Variants in KCNJ3 observed in about 807,000 individuals in gnomAD.
KCNJ3 encodes G protein-activated inward rectifier potassium channel 1.
Under a neutral mutation model 39.2 loss-of-function variants are expected in KCNJ3, and 4 were observed. The ratio of observed to expected loss-of-function variants is 0.10; its 90% CI spans 0.05 to 0.23. The LOEUF is 0.23. KCNJ3 is among the 10% of genes least tolerant of loss of function. KCNJ3 has a pLI of 1.00. For missense variants in KCNJ3, 276 were observed against 634.9 expected, an observed-to-expected ratio of 0.43 and a Z score of 6.08; for synonymous variants, 230 against 237.4, an observed-to-expected ratio of 0.97 and a Z score of 0.29.
intron 2 of KCNJ3, among the ~76,000 whole-genome samples, chr2:154,735,078 T>C (rs1685504621): frequency 6.6e-6 from 1 of 150,960 alleles, no homozygotes; most frequent in Admixed American, 6.6e-5. Flanking sequence ...CCTGTGTGTG[T>C]GTGTGTGTGT....
At chr2:154,708,444 T>C (rs1685049261) in intron 1 of KCNJ3, among the ~76,000 whole-genome samples, 2 of 152,162 alleles carry the variant, frequency 1.3e-5, no homozygotes, top group African/African-American at 2.4e-5. Flanking sequence ...TATCACTTCA[T>C]TGGGCAGACC....
rs185376247 is a variant in KCNJ3, at chr2:154,735,755, C to A, written c.919+25936C>A. On this transcript the variant is annotated intron_variant, in intron 2 of 2. Coordinates refer to ENST00000295101, the MANE Select transcript of KCNJ3 (RefSeq NM_002239.4). Reference sequence around the variant, plus strand: ...TATCTTAGATGACTTCATTTAATTACTATTTTAATATTTATTTTCTGCAGA... The same window carrying A: ...TATCTTAGATGACTTCATTTAATTAATATTTTAATATTTATTTTCTGCAGA... 1.1e-3 allele frequency among the ~76,000 whole-genome samples: 175 copies of A among 152,190 alleles called. 2 individuals carry two copies. The highest frequency in any genetic ancestry group is 4.1e-3 in the African/African-American group (171 of 41,550).
chr2:154,748,051 T>A (rs146424397), intron 2 of KCNJ3, among the ~76,000 whole-genome samples: 181 of 152,100 alleles, frequency 1.2e-3, no homozygotes, highest in African/African-American at 3.9e-3. Flanking sequence ...CCTGCCTCCA[T>A]CTCCCATCCC....
At chr2:154,767,013 G>T (rs1686147057) in intron 2 of KCNJ3, among the ~76,000 whole-genome samples, 1 of 151,844 alleles carries the variant, frequency 6.6e-6, no homozygotes, top group Non-Finnish European at 1.5e-5. Context: ...ACTCTTAGAA[G>T]AATTTATTTG....
At chr2:154,775,842 G>T (rs187621260) in intron 2 of KCNJ3, among the ~76,000 whole-genome samples, 398 of 152,184 alleles carry the variant, frequency 2.6e-3, no homozygotes, top group South Asian at 9.7e-3. Context: ...CCAGGAGAAG[G>T]GGTTGATGTA....
In KCNJ3 at chr2:154,699,028, T is replaced by A. The variant is rs1684839416; in HGVS notation, c.253T>A (p.Phe85Ile). ...GGACCTCAAGTGGCGCTGGAACCTC[T>A]TCATCTTCATTCTCACCTACACCGT... is the stretch of plus-strand genomic sequence containing the variant. ...LVDLKWRWNL[F>I]IFILTYTVAW... Residue 85 changes from phenylalanine to isoleucine, a missense_variant, in exon 1 of 3, where the codon TTC (phenylalanine) becomes ATC (isoleucine). Transcript: ENST00000295101. The surrounding 1 kb of genome is among the most constrained non-coding windows in gnomAD (Gnocchi z 6.4). The A allele has an allele frequency of 2.5e-6, 4 of 1,614,218 alleles. No individual in the cohort carries two copies. Among genetic ancestry groups the A allele is most frequent in the Non-Finnish European group, 3.4e-6 (4 of 1,180,042 alleles).
chr2:154,839,418 A>G (rs1049309221), intron 2 of KCNJ3, among the ~76,000 whole-genome samples: 2 of 152,212 alleles, frequency 1.3e-5, no homozygotes, highest in Admixed American at 6.5e-5. Context: ...TCTTTATAGT[A>G]GCATGGTTTA....
At chr2:154,808,722 A>AT (rs1311343049) in intron 2 of KCNJ3, among the ~76,000 whole-genome samples, 2 of 152,106 alleles carry the variant, frequency 1.3e-5, no homozygotes, top group African/African-American at 4.8e-5. Context: ...AACCATTTTT[A>AT]TTTTGATTAT....
chr2:154,757,317 A>G (rs975573684), intron 2 of KCNJ3, among the ~76,000 whole-genome samples: 3 of 152,072 alleles, frequency 2.0e-5, no homozygotes, highest in African/African-American at 7.2e-5. Context: ...AGTGAGGTAA[A>G]TATTTTTGGG....
At chr2:154,746,262 T>A (rs898261911) in intron 2 of KCNJ3, among the ~76,000 whole-genome samples, 1 of 151,940 alleles carries the variant, frequency 6.6e-6, no homozygotes, top group African/African-American at 2.4e-5. Flanking sequence ...TTGATAAGGT[T>A]TCCGGTCAAT....
intron 2 of KCNJ3, among the ~76,000 whole-genome samples, chr2:154,791,454 T>C (rs1433963201): frequency 6.6e-6 from 1 of 152,014 alleles, no homozygotes; most frequent in African/African-American, 2.4e-5. Flanking sequence ...TTATTATTAT[T>C]TGAAGAATGT....
intron 2 of KCNJ3, among the ~76,000 whole-genome samples, chr2:154,802,325 T>C (rs1019569875): frequency 2.0e-5 from 3 of 152,108 alleles, no homozygotes; most frequent in Admixed American, 2.0e-4. Flanking sequence ...GTGAGGGAGC[T>C]TGGTTCCCCA....
At chr2:154,807,650 T>C (rs540826837) in intron 2 of KCNJ3, among the ~76,000 whole-genome samples, 30 of 152,294 alleles carry the variant, frequency 2.0e-4, no homozygotes, top group African/African-American at 6.5e-4. Flanking sequence ...GTGTTTTACA[T>C]TGGAGCTACA....
At chr2:154,755,345 C>G (rs796156315) in intron 2 of KCNJ3, among the ~76,000 whole-genome samples, 2 of 151,622 alleles carry the variant, frequency 1.3e-5, no homozygotes, top group South Asian at 4.2e-4. Context: ...TTATTAAATT[C>G]AAAATATGAG....
intron 2 of KCNJ3, among the ~76,000 whole-genome samples, chr2:154,722,495 CT>C (rs1685279609): frequency 6.6e-6 from 1 of 152,098 alleles, no homozygotes; most frequent in Non-Finnish European, 1.5e-5. Flanking sequence ...GAAGAACTTG[CT>C]GTTTAAATAA....
At chr2:154,750,114 A>AT (rs1462384759) in intron 2 of KCNJ3, among the ~76,000 whole-genome samples, 1 of 151,942 alleles carries the variant, frequency 6.6e-6, no homozygotes, top group Non-Finnish European at 1.5e-5. Context: ...CAGAAGTTAT[A>AT]TTTTTTCTCA....
At chr2:154,725,313 A>G (rs1464466448) in intron 2 of KCNJ3, among the ~76,000 whole-genome samples, 2 of 150,094 alleles carry the variant, frequency 1.3e-5, no homozygotes, top group Non-Finnish European at 3.0e-5. Context: ...GCCATTCTTC[A>G]CCAACTACCC....
At chr2:154,708,715 T>G (rs2105150867) in intron 1 of KCNJ3, among the ~76,000 whole-genome samples, 1 of 152,350 alleles carries the variant, frequency 6.6e-6, no homozygotes, top group East Asian at 1.9e-4. Context: ...TCTCATGGTT[T>G]GCTAATTTTT....
chr2:154,773,166 CTG>C (rs1370326554), intron 2 of KCNJ3, among the ~76,000 whole-genome samples: 3 of 152,064 alleles, frequency 2.0e-5, no homozygotes, highest in Non-Finnish European at 2.9e-5. Flanking sequence ...TTGAAATTAA[CTG>C]TTTGTTAATA....
Sources: gnomAD v4.1 joint callset for allele counts (sites outside exome capture counted in the v4.1 genomes callset) on GRCh38, gnomAD v4.1.1 for gene constraint, Gnocchi (gnomAD v3.1) non-coding constraint, MANE v1.5 for transcripts, NCBI Gene and HGNC (gene_info 2026-07-23, HGNC 2026-07-21) for gene names.